The following PDCD6IP variants were observed in gnomAD, a reference collection of about 807,000 sequenced individuals.
PDCD6IP encodes the protein programmed cell death 6-interacting protein.
Under a neutral mutation model 103.7 loss-of-function variants are expected in PDCD6IP, and 43 were observed. The observed-to-expected ratio is 0.41, with a 90% confidence interval of 0.32 to 0.53. The LOEUF (loss-of-function observed/expected upper bound fraction) is 0.53. Among genes scored for constraint, PDCD6IP ranks in the 20% least tolerant of loss-of-function variants. The probability of loss-of-function intolerance (pLI) is 0.16; values close to 1 mark genes in which losing one functional copy is unlikely to be tolerated. For synonymous variants in PDCD6IP, 354 were observed against 378.7 expected (o/e 0.93, Z 0.76); for missense variants, 871 against 1,036.7 (o/e 0.84, Z 2.20).
chr3:33,799,003 T>G, intron 1 of PDCD6IP, 66 bp downstream of exon 1: 1 of 1,353,600 alleles, frequency 7.4e-7, no homozygotes, highest in Non-Finnish European at 1.0e-6. Flanking sequence ...TCTTCCCGTC[T>G]CCCCCCTTCC....
At chr3:33,864,440 A>G (rs1040850488) in intron 16 of PDCD6IP, among the ~76,000 whole-genome samples, 1 of 147,954 alleles carries the variant, frequency 6.8e-6, no homozygotes, top group Non-Finnish European at 1.5e-5. Context: ...GGACATTTAT[A>G]TGAAATAACT....
chr3:33,807,730 A>G (rs1696629246), intron 1 of PDCD6IP, among the ~76,000 whole-genome samples: 2 of 152,132 alleles, frequency 1.3e-5, no homozygotes, highest in African/African-American at 4.8e-5. Flanking sequence ...GTGTGCCACA[A>G]TTTTGGGATG....
At position 33,825,345 on chromosome 3, in the gene PDCD6IP, C is replaced by T; in HGVS notation, c.616+5C>T. On this transcript the variant is annotated splice_donor_5th_base_variant and intron_variant, in intron 5 of 17. Coordinates refer to ENST00000307296, the MANE Select transcript of PDCD6IP (RefSeq NM_013374.6). ...TTTTTTTAAAAGCCACAAGAGGTAACTCCAATTTATCTTTTTGTTGCATGT... is the reference window on the plus strand; with the variant it reads ...TTTTTTTAAAAGCCACAAGAGGTAATTCCAATTTATCTTTTTGTTGCATGT... 1.3e-6 allele frequency: 2 copies of T among 1,585,832 alleles called. No individual in the cohort carries two copies. The highest frequency in any genetic ancestry group is 1.7e-6 in the Non-Finnish European group (2 of 1,172,360).
chr3:33,841,822 A>G (rs1697481702), intron 9 of PDCD6IP, 75 bp from the exon 10 acceptor site: 8 of 977,528 alleles, frequency 8.2e-6, no homozygotes, highest in Non-Finnish European at 1.2e-5. Flanking sequence ...AGAATACTAA[A>G]TTAAATAAAG....
chr3:33,829,805 A>C (rs2125559133), intron 7 of PDCD6IP, among the ~76,000 whole-genome samples: 1 of 152,256 alleles, frequency 6.6e-6, no homozygotes, highest in South Asian at 2.1e-4. Context: ...ATTGATAAAG[A>C]ACAGAAATTT....
chr3:33,823,300 T>C (rs1160847635), intron 4 of PDCD6IP, among the ~76,000 whole-genome samples: 1 of 152,206 alleles, frequency 6.6e-6, no homozygotes, highest in Admixed American at 6.5e-5. Context: ...AGAGGTAGTC[T>C]GCTTTTTCCC....
At chr3:33,812,649 A>T (rs1292467026) in intron 2 of PDCD6IP, among the ~76,000 whole-genome samples, 1 of 152,262 alleles carries the variant, frequency 6.6e-6, no homozygotes, top group Admixed American at 6.5e-5. Context: ...TTTTAAAATT[A>T]GTGATACTTT....
At chr3:33,811,158 T>C (rs912151225) in intron 1 of PDCD6IP, 5 of 386,066 alleles carry the variant, frequency 1.3e-5, no homozygotes, top group African/African-American at 4.2e-5. Context: ...GTGCTAGGAT[T>C]ACAGGCGTGA....
intron 5 of PDCD6IP, among the ~76,000 whole-genome samples, chr3:33,826,207 A>G (rs1329470543): frequency 6.6e-6 from 1 of 152,168 alleles, no homozygotes; most frequent in African/African-American, 2.4e-5. Flanking sequence ...GTATATTCAT[A>G]GAGTTTTGAT....
intron 17 of PDCD6IP, 52 bp from the exon 18 acceptor site, chr3:33,866,299 A>G (rs1440028626): frequency 9.0e-7 from 1 of 1,105,186 alleles, no homozygotes; most frequent in African/African-American, 1.6e-5. Flanking sequence ...TTATTGTTTT[A>G]TTTTTTAGTA....
chr3:33,805,153 G>A (rs1696564977), intron 1 of PDCD6IP, among the ~76,000 whole-genome samples: 1 of 151,972 alleles, frequency 6.6e-6, no homozygotes, highest in Admixed American at 6.6e-5. Flanking sequence ...TCAGGAGTTC[G>A]AGATTAGCCT....
intron 12 of PDCD6IP, among the ~76,000 whole-genome samples, chr3:33,848,410 CT>C (rs537896343): frequency 9.1e-4 from 133 of 145,470 alleles, no homozygotes; most frequent in South Asian, 1.8e-3. Context: ...TTCTTTCTTT[CT>C]TTTTTTTTTT....
intron 1 of PDCD6IP, among the ~76,000 whole-genome samples, chr3:33,810,382 CATT>C (rs1167655487): frequency 6.6e-6 from 1 of 152,162 alleles, no homozygotes; most frequent in Non-Finnish European, 1.5e-5. Context: ...ATGTCCTCAT[CATT>C]TTTTGAGTAC....
chr3:33,843,263 G>C (rs1320549560), intron 10 of PDCD6IP, among the ~76,000 whole-genome samples: 2 of 152,132 alleles, frequency 1.3e-5, no homozygotes, highest in African/African-American at 4.8e-5. Flanking sequence ...AAGTATACCA[G>C]TTTGAGGGTG....
At chr3:33,818,310 G>A (rs1274024259) in intron 3 of PDCD6IP, among the ~76,000 whole-genome samples, 2 of 150,358 alleles carry the variant, frequency 1.3e-5, no homozygotes, top group Non-Finnish European at 3.0e-5. Context: ...GTTTCACCAT[G>A]TTGGCCAGGC....
At chr3:33,834,190 C>T (rs1364211989) in intron 7 of PDCD6IP, among the ~76,000 whole-genome samples, 1 of 152,164 alleles carries the variant, frequency 6.6e-6, no homozygotes. Context: ...CTCAGCATCA[C>T]ATTTTTTTCT....
chr3:33,846,989 A>T (rs909802346), intron 12 of PDCD6IP, among the ~76,000 whole-genome samples: 2 of 152,174 alleles, frequency 1.3e-5, no homozygotes, highest in Non-Finnish European at 2.9e-5. Flanking sequence ...TAACGGGGGA[A>T]CCCAATGGAA....
At position 33,825,265 on chromosome 3, in the gene PDCD6IP, C is replaced by T; in HGVS notation, c.541C>T (p.Pro181Ser). ...TCGAGAGCCGACCGTGGACATATCT[C>T]CAGATACTGTTGGGACCCTCAGTCT... ...LSREPTVDIS[P>S]DTVGTLSLIM... The change falls in exon 5 of 18, where the codon CCA becomes TCA. Residue 181 changes from proline (P) to serine (S), a missense_variant. Physicochemically the swap from Pro to Ser is moderately conservative, Grantham distance 74 (BLOSUM62 -1). Around this residue, in one of 5 missense-constraint regions of PDCD6IP, gnomAD observed 242 missense variants for 250.7 expected, o/e 0.97. Coordinates refer to ENST00000307296, the MANE Select transcript of PDCD6IP (RefSeq NM_013374.6). The T allele has an allele frequency of 6.2e-7, 1 of 1,613,624 alleles. No homozygotes were observed. The highest frequency in any genetic ancestry group is 8.5e-7 in the Non-Finnish European group (1 of 1,179,736).
chr3:33,832,420 A>G (rs1003544193), intron 7 of PDCD6IP, among the ~76,000 whole-genome samples: 12 of 152,226 alleles, frequency 7.9e-5, no homozygotes, highest in Admixed American at 1.3e-4. Context: ...AGCAGCAGGT[A>G]TATCTTAAAT....
Sources: gnomAD v4.1 joint callset for allele counts (sites outside exome capture counted in the v4.1 genomes callset) on GRCh38, gnomAD v4.1.1 for gene constraint, gnomAD v4.1.1 regional missense constraint, MANE v1.5 for transcripts, NCBI Gene and HGNC (gene_info 2026-07-23, HGNC 2026-07-21) for gene names.